Variants in RPS6KC1 observed in about 807,000 individuals in gnomAD.
The protein encoded by RPS6KC1 is ribosomal protein S6 kinase C1.
RPS6KC1 carries 54 observed loss-of-function variants against 103.8 expected under a neutral mutation model. That is an observed-to-expected ratio of 0.52 (90% CI 0.42 to 0.65). RPS6KC1 has a LOEUF of 0.65. Ranked by LOEUF, RPS6KC1 falls within the 30% of genes least tolerant of loss-of-function variation. The pLI, the probability that RPS6KC1 is intolerant of heterozygous loss-of-function variation, is 0.00. For synonymous variants in RPS6KC1, 439 were observed against 438.7 expected (o/e 1.00, Z -0.01); for missense variants, 1,151 against 1,253.8 (o/e 0.92, Z 1.24).
At chr1:213,429,714 T>C in the RPS6KC1 span, among the ~76,000 whole-genome samples, 1 of 152,162 alleles carries the variant, frequency 6.6e-6, no homozygotes, top group South Asian at 2.1e-4. Flanking sequence ...CTCCACCCAC[T>C]ATCCCTCCTA....
intron 5 of RPS6KC1, among the ~76,000 whole-genome samples, chr1:213,125,481 A>G (rs1045420461): frequency 1.2e-4 from 19 of 152,174 alleles, no homozygotes; most frequent in South Asian, 8.3e-4. Flanking sequence ...TTTGGTATAA[A>G]TTGCTGAATT....
intron 10 of RPS6KC1, among the ~76,000 whole-genome samples, chr1:213,234,258 G>A (rs1405676340): frequency 6.6e-6 from 1 of 152,050 alleles, no homozygotes; most frequent in African/African-American, 2.4e-5. Context: ...CGATTCTCCT[G>A]CCTCAGCCTC....
the RPS6KC1 span, among the ~76,000 whole-genome samples, chr1:213,284,767 A>G: frequency 6.6e-6 from 1 of 152,192 alleles, no homozygotes; most frequent in Non-Finnish European, 1.5e-5. Context: ...AGCACACTGC[A>G]TAACTGAGAG....
chr1:213,357,780 G>A, the RPS6KC1 span, among the ~76,000 whole-genome samples: 6 of 152,324 alleles, frequency 3.9e-5, no homozygotes, highest in East Asian at 1.9e-4. Flanking sequence ...CTGAATGCAC[G>A]GTAGGGAGAA....
At chr1:213,483,138 C>A in the RPS6KC1 span, among the ~76,000 whole-genome samples, 4 of 152,138 alleles carry the variant, frequency 2.6e-5, no homozygotes, top group African/African-American at 9.7e-5. Flanking sequence ...ACATATCCTT[C>A]TTCATAAGGC....
At chr1:213,060,788 A>G (rs2077764873) in intron 1 of RPS6KC1, among the ~76,000 whole-genome samples, 1 of 152,236 alleles carries the variant, frequency 6.6e-6, no homozygotes, top group Non-Finnish European at 1.5e-5. Flanking sequence ...CTGAGTATCT[A>G]GAGATAACTT....
chr1:213,632,837 G>A, the RPS6KC1 span, among the ~76,000 whole-genome samples: 2 of 152,236 alleles, frequency 1.3e-5, no homozygotes, highest in African/African-American at 4.8e-5. Context: ...AATAAACAGT[G>A]TAGAGAAGAC....
chr1:213,052,149 A>G (rs933839860), intron 1 of RPS6KC1, among the ~76,000 whole-genome samples: 1 of 152,226 alleles, frequency 6.6e-6, no homozygotes, highest in African/African-American at 2.4e-5. Flanking sequence ...TCCAATTTTT[A>G]GTACCCACTT....
chr1:213,592,524 T>C, the RPS6KC1 span, among the ~76,000 whole-genome samples: 10 of 152,320 alleles, frequency 6.6e-5, no homozygotes, highest in Admixed American at 2.0e-4. Context: ...GGGTAGCAGG[T>C]GCTCTCCAGT....
intron 8 of RPS6KC1, among the ~76,000 whole-genome samples, chr1:213,199,338 A>ATCCG (rs2093066699): frequency 6.6e-6 from 1 of 152,234 alleles, no homozygotes; most frequent in Non-Finnish European, 1.5e-5. Flanking sequence ...TTGGTTCAAC[A>ATCCG]TATGCAAATG....
At chr1:213,625,255 A>C in the RPS6KC1 span, among the ~76,000 whole-genome samples, 6 of 152,246 alleles carry the variant, frequency 3.9e-5, no homozygotes, top group East Asian at 1.2e-3. Flanking sequence ...TTCCTATTCC[A>C]CCTATTCTCA....
chr1:213,224,620 G>A (rs1304755293), intron 8 of RPS6KC1, among the ~76,000 whole-genome samples: 1 of 152,162 alleles, frequency 6.6e-6, no homozygotes, highest in African/African-American at 2.4e-5. Flanking sequence ...TTATTGGAAA[G>A]ACAATTGTAT....
the RPS6KC1 span, among the ~76,000 whole-genome samples, chr1:213,657,057 G>A: frequency 6.6e-6 from 1 of 152,174 alleles, no homozygotes; most frequent in Non-Finnish European, 1.5e-5. Context: ...GATGAACATA[G>A]TTGGAAATGA....
At chr1:213,323,848 A>G in the RPS6KC1 span, among the ~76,000 whole-genome samples, 2 of 152,216 alleles carry the variant, frequency 1.3e-5, no homozygotes, top group African/African-American at 2.4e-5. Flanking sequence ...TTAACAATCA[A>G]TGAACCTACA....
chr1:213,725,865 TC>T, the RPS6KC1 span, among the ~76,000 whole-genome samples: 2 of 152,242 alleles, frequency 1.3e-5, no homozygotes, highest in Admixed American at 1.3e-4. Flanking sequence ...TGAACACTAA[TC>T]CCTTGCTGAG....
At chr1:213,616,408 G>A in the RPS6KC1 span, among the ~76,000 whole-genome samples, 8 of 152,296 alleles carry the variant, frequency 5.3e-5, no homozygotes, top group South Asian at 2.1e-4. Flanking sequence ...AGACCACTGC[G>A]GTGGGCACCG....
the RPS6KC1 span, among the ~76,000 whole-genome samples, chr1:213,736,731 C>G: frequency 6.6e-6 from 1 of 152,214 alleles, no homozygotes; most frequent in East Asian, 1.9e-4. Flanking sequence ...CTTTAATCTT[C>G]AGTAGGGTGA....
the RPS6KC1 span, among the ~76,000 whole-genome samples, chr1:213,324,045 T>C: frequency 2.0e-5 from 3 of 152,242 alleles, no homozygotes; most frequent in African/African-American, 7.2e-5. Flanking sequence ...TATTCATTCA[T>C]TTAGCATTTA....
intron 8 of RPS6KC1, among the ~76,000 whole-genome samples, chr1:213,180,326 G>T (rs543993633): frequency 1.3e-3 from 194 of 152,298 alleles, no homozygotes; most frequent in Middle Eastern, 3.4e-3. Flanking sequence ...GTTTCTCTGT[G>T]AAAAAGGTAG....
Sources: allele counts gnomAD v4.1 joint callset (sites outside exome capture counted in the v4.1 genomes callset), GRCh38; gene constraint gnomAD v4.1.1; transcripts MANE v1.5; gene names NCBI Gene and HGNC (gene_info 2026-07-23, HGNC 2026-07-21).